Variants in ANKRD7 observed in about 807,000 individuals in gnomAD.
ANKRD7 encodes the protein ankyrin repeat domain-containing protein 7.
In ANKRD7, 30 loss-of-function variants were observed where a neutral mutation model predicts 30.8. That is an observed-to-expected ratio of 0.97 (90% CI 0.73 to 1.32). The LOEUF (loss-of-function observed/expected upper bound fraction) is 1.32, where lower values mean the gene tolerates loss of function less well. Ranked by LOEUF, ANKRD7 falls within the 40% of genes most tolerant of loss-of-function variation. ANKRD7 has a pLI of 0.00. For synonymous variants in ANKRD7, 97 were observed against 106.6 expected (o/e 0.91, Z 0.55); for missense variants, 264 against 295.7 (o/e 0.89, Z 0.79).
chr7:118,241,546 T>G (rs1472662651), intron 6 of ANKRD7, among the ~76,000 whole-genome samples: 3 of 124,508 alleles, frequency 2.4e-5, no homozygotes, highest in East Asian at 2.4e-4. Flanking sequence ...TTTTTTTTTT[T>G]TTTCTGTTTT....
intron 2 of ANKRD7, 71 bp from the exon 3 acceptor site, chr7:118,234,630 A>AAATTTTTAT: frequency 6.4e-7 from 1 of 1,552,128 alleles, no homozygotes; most frequent in South Asian, 1.2e-5. Flanking sequence ...TTTAAAACAT[A>AAATTTTTAT]GTATCAAACA....
chr7:118,229,509 A>G lies in ANKRD7; in HGVS notation c.179+4500A>G, dbSNP rs1055366262. On this transcript the variant is annotated intron_variant, in intron 1 of 6. Transcript: ENST00000265224. ...ATAGTGAGCGCTTAATATTTTTAAAATAAATGAATGAAAGGATGAATACAT... is the reference window on the plus strand; with the variant it reads ...ATAGTGAGCGCTTAATATTTTTAAAGTAAATGAATGAAAGGATGAATACAT... Among the ~76,000 whole-genome samples the G allele has an allele frequency of 3.3e-5, 5 of 152,154 alleles. No homozygotes were observed. In the South Asian group the frequency reaches 1.0e-3, roughly 31 times the overall value.
intron 6 of ANKRD7, among the ~76,000 whole-genome samples, chr7:118,241,521 C>G (rs868153879): frequency 1.2e-5 from 1 of 84,542 alleles, no homozygotes; most frequent in African/African-American, 4.5e-5. Context: ...TCTGAATTAC[C>G]TTTTTTTTTT....
intron 1 of ANKRD7, among the ~76,000 whole-genome samples, chr7:118,229,039 T>C (rs1809589572): frequency 6.6e-6 from 1 of 152,202 alleles, no homozygotes; most frequent in Admixed American, 6.5e-5. Context: ...ATCTTCACCC[T>C]GTTACTTGTC....
chr7:118,232,627 G>C (rs896032823), intron 1 of ANKRD7, among the ~76,000 whole-genome samples: 1 of 151,852 alleles, frequency 6.6e-6, no homozygotes, highest in Non-Finnish European at 1.5e-5. Flanking sequence ...AGATTCAGTT[G>C]GTGGAAGAGC....
Position 118,234,540 on chromosome 7 carries a change from A to C in ANKRD7, c.289A>C (p.Ile97Leu), listed in dbSNP as rs1397463334. The change falls in exon 2 of 7, where the codon ATT becomes CTT. Residue 97 changes from isoleucine (I) to leucine (L), a missense_variant. By Grantham distance (5) the Ile-to-Leu change is conservative. Transcript: ENST00000265224. ...GGATAGTGAAAACAAATCCCCATTG[A>C]TTAAGGTATGCCATAGTTTTTCTTT... The part of the protein sequence containing the change: ...VRDSENKSPL[I>L]KAVQCQNEDC... 3.1e-6 allele frequency: 5 copies of C among 1,606,238 alleles called. No homozygotes were observed. Among genetic ancestry groups the C allele is most frequent in the Non-Finnish European group, 4.2e-6 (5 of 1,176,874 alleles).
intron 1 of ANKRD7, chr7:118,227,942 T>A: frequency 7.4e-7 from 1 of 1,344,298 alleles, no homozygotes; most frequent in Non-Finnish European, 9.9e-7. Flanking sequence ...TGTTGTCCAA[T>A]CTTCTAGATG....
intron 6 of ANKRD7, among the ~76,000 whole-genome samples, chr7:118,240,747 A>T (rs1472495860): frequency 6.6e-6 from 1 of 152,186 alleles, no homozygotes; most frequent in African/African-American, 2.4e-5. Context: ...ATAGTAGTTA[A>T]TATAAGATAT....
intron 3 of ANKRD7, among the ~76,000 whole-genome samples, chr7:118,235,657 T>G (rs562491456): frequency 2.0e-5 from 3 of 151,836 alleles, no homozygotes; most frequent in Non-Finnish European, 2.9e-5. Flanking sequence ...TTACTGATAT[T>G]TTGTCCACAG....
Position 118,237,359 on chromosome 7 carries a change from A to ATCC in ANKRD7, c.712+433_712+434insTCC, listed in dbSNP as rs1449917307. On this transcript the variant is annotated intron_variant, in intron 5 of 6. Transcript: ENST00000265224. Reference sequence around the variant, plus strand: ...GTAAGTGTTCAGAATTCTAAAGTACACTCTATTTACACCCAAAAGAAAAAC... The same window carrying ATCC: ...GTAAGTGTTCAGAATTCTAAAGTACATCCCTCTATTTACACCCAAAAGAAAAAC... Among the ~76,000 whole-genome samples, 7 of 152,202 alleles carry ATCC rather than the reference A, an allele frequency of 4.6e-5. No homozygotes were observed. The East Asian group carries it at 1.3e-3, about 29-fold the overall frequency.
At position 118,234,444 on chromosome 7, in the gene ANKRD7, C is replaced by G. The variant is rs771559603; in HGVS notation, c.193C>G (p.Leu65Val). The change falls in exon 2 of 7, where the codon CTA becomes GTA. Residue 65 changes from leucine (L) to valine (V), a missense_variant. Transcript: ENST00000265224. ...QDKKYRTPLH[L>V]ACANGHTDVV... The stretch of plus-strand genomic sequence containing the variant: ...TTATTGACATAGAACACCTTTGCAC[C>G]TAGCCTGTGCTAATGGACATACAGA... 7 of 1,606,064 alleles carry G rather than the reference C, an allele frequency of 4.4e-6. 1 individual carries two copies. The African/African-American group carries it at 8.0e-5, about 18-fold the overall frequency.
At chr7:118,234,630 A>C in intron 2 of ANKRD7, 71 bp from the exon 3 acceptor site, 2 of 1,552,128 alleles carry the variant, frequency 1.3e-6, no homozygotes, top group Non-Finnish European at 1.7e-6. Flanking sequence ...TTTAAAACAT[A>C]GTATCAAACA....
In ANKRD7 at chr7:118,237,591, T is replaced by C. The variant is rs564918307; in HGVS notation, c.712+665T>C. Among the ~76,000 whole-genome samples, 46 of 152,140 alleles carry C rather than the reference T, an allele frequency of 3.0e-4. 2 individuals carry two copies. The highest frequency in any genetic ancestry group is 1.1e-3 in the African/African-American group (44 of 41,588). On this transcript the variant is annotated intron_variant, in intron 5 of 6. Coordinates refer to ENST00000265224, the MANE Select transcript of ANKRD7 (RefSeq NM_019644.4). Reference sequence around the variant, plus strand: ...AGAGCAATTTAAAATTATAAGTAGGTATTTTTTCAGTTTTTATTATTCTTC... The same window carrying C: ...AGAGCAATTTAAAATTATAAGTAGGCATTTTTTCAGTTTTTATTATTCTTC...
At position 118,236,210 on chromosome 7, in the gene ANKRD7, ATGTGTGTG is replaced by A. The variant is rs3993811; in HGVS notation, c.575+85_575+92del. On this transcript the variant is annotated intron_variant, in intron 4 of 6. Transcript: ENST00000265224. ...ACCTGATAGGATTGTGTGTGTGCGT[ATGTGTGTG>A]TGTGTGTGTGTGTGTGTGTGTCCAC... is the stretch of plus-strand genomic sequence containing the variant. 3,927 of 605,918 alleles carry A rather than the reference ATGTGTGTG, an allele frequency of 6.5e-3. 17 individuals are homozygous for A. Among genetic ancestry groups the A allele is most frequent in the Admixed American group, 0.014 (526 of 36,712 alleles). The allele number at this position is 605,918 out of a possible 1,614,324, so 37.5% of individuals were successfully genotyped here. A position where few individuals can be genotyped will look rare whatever the true frequency, so the allele number is the denominator to read the frequency against.
Position 118,236,880 on chromosome 7 carries a change from T to C in ANKRD7, c.666T>C (p.Ile222=). 6.2e-7 allele frequency: 1 copy of C among 1,614,066 alleles called. No individual in the cohort carries two copies. The highest frequency in any genetic ancestry group is 8.5e-7 in the Non-Finnish European group (1 of 1,179,936). Residue 222 remains isoleucine (I), a synonymous_variant, in exon 5 of 7, where the codon ATT becomes ATC. Transcript: ENST00000265224. The stretch of plus-strand genomic sequence containing the variant: ...GTGTGGAATTATGTTACGAAGGTAT[T>C]GTGGATTCACAGCTGAGGAATATGT... ...QQGVELCYEG[I]VDSQLRNMFI... is the part of the protein sequence containing the mutation.
intron 1 of ANKRD7, among the ~76,000 whole-genome samples, chr7:118,230,007 C>T (rs1809607659): frequency 6.6e-6 from 1 of 151,962 alleles, no homozygotes; most frequent in Non-Finnish European, 1.5e-5. Context: ...CCTCAACAAA[C>T]TAGGCATCGA....
Position 118,234,914 on chromosome 7 carries a change from A to G in ANKRD7, c.468+40A>G, listed in dbSNP as rs182228631. ...AAGAAAAAAATCCTGTATTTTAGAA[A>G]GCAACTGAAGAGCATATTTCAGATA... On this transcript the variant is annotated intron_variant, in intron 3 of 6. Transcript: ENST00000265224. 1.6e-4 allele frequency: 244 copies of G among 1,495,136 alleles called. 2 individuals are homozygous for G. The East Asian group carries it at 3.9e-3, about 24-fold the overall frequency. 92.6% of individuals were successfully genotyped at this position (1,495,136 alleles called of 1,614,324 possible).
At chr7:118,236,419 G>T (rs184988287) in intron 4 of ANKRD7, among the ~76,000 whole-genome samples, 1 of 152,178 alleles carries the variant, frequency 6.6e-6, no homozygotes, top group Admixed American at 6.5e-5. Flanking sequence ...TTTATTATTA[G>T]AATTTAACAT....
In ANKRD7 at chr7:118,224,952, T is replaced by C. The variant is rs1295488923; in HGVS notation, c.122T>C (p.Leu41Pro). ...GCTTCAGTCGGGGATTTGAAGAAGC[T>C]GAAGGAATACCTTCAGATCAAGAAA... is the stretch of plus-strand genomic sequence containing the variant. The part of the protein sequence containing the change: ...RAASVGDLKK[L>P]KEYLQIKKYD... Residue 41 changes from leucine (L) to proline (P), a missense_variant, in exon 1 of 7, where the codon CTG becomes CCG. Leu to Pro is a moderately conservative substitution (Grantham distance 98). Coordinates refer to ENST00000265224, the MANE Select transcript of ANKRD7 (RefSeq NM_019644.4). The C allele has an allele frequency of 1.2e-6, 2 of 1,614,168 alleles. No homozygotes were observed. The highest frequency in any genetic ancestry group is 2.7e-5 in the African/African-American group (2 of 75,042).
Sources: allele counts gnomAD v4.1 joint callset (sites outside exome capture counted in the v4.1 genomes callset), GRCh38; gene constraint gnomAD v4.1.1; transcripts MANE v1.5; gene names NCBI Gene and HGNC (gene_info 2026-07-23, HGNC 2026-07-21).